CCDC152: variants seen among roughly 807,000 people sequenced by gnomAD.
The protein encoded by CCDC152 is coiled-coil domain-containing protein 152.
A neutral mutation model predicts 38.1 loss-of-function variants in CCDC152; 37 were observed. That is an observed-to-expected ratio of 0.97 (90% confidence interval 0.75 to 1.28). The LOEUF is 1.28. Ranked by LOEUF, CCDC152 falls within the 50% of genes most tolerant of loss-of-function variation. CCDC152 has a pLI of 0.00. For synonymous variants in CCDC152, 83 were observed against 87.1 expected (o/e 0.95, Z 0.26); for missense variants, 259 against 292.1 (o/e 0.89, Z 0.83).
intron 6 of CCDC152, among the ~76,000 whole-genome samples, chr5:42,795,804 G>T (rs548824586): frequency 7.2e-5 from 11 of 151,740 alleles, no homozygotes; most frequent in African/African-American, 2.7e-4. Flanking sequence ...TGTTTATTGC[G>T]GCACTATTCA....
chr5:42,762,415 A>T lies in CCDC152; in HGVS notation c.88-28A>T, dbSNP rs113750312. The T allele has an allele frequency of 1.7e-3, 1,986 of 1,171,974 alleles. 33 individuals are homozygous for T. In the African/African-American group the frequency reaches 0.026, roughly 15 times the overall value. 72.6% of individuals were successfully genotyped at this position (1,171,974 alleles called of 1,614,324 possible). ...ATTAAACTAGCAGCATTGATTTGTT[A>T]ATAATAAGTATTCTATTTCTTCTAC... On this transcript the variant is annotated intron_variant, in intron 2 of 8. Coordinates refer to ENST00000361970, the MANE Select transcript of CCDC152 (RefSeq NM_001134848.2).
intron 3 of CCDC152, among the ~76,000 whole-genome samples, chr5:42,765,345 G>C (rs1344004925): frequency 6.6e-6 from 1 of 151,982 alleles, no homozygotes; most frequent in Non-Finnish European, 1.5e-5. Context: ...CTACTCAAAG[G>C]AATCTACAGA....
At chr5:42,762,332 A>G in intron 2 of CCDC152, 111 bp from the exon 3 acceptor site, 1 of 614,544 alleles carries the variant, frequency 1.6e-6, no homozygotes, top group Non-Finnish European at 2.9e-6. Context: ...TTTTTTTATT[A>G]GACTATCAGA....
chr5:42,757,747 A>G (rs892359237), intron 1 of CCDC152, among the ~76,000 whole-genome samples: 3 of 152,208 alleles, frequency 2.0e-5, no homozygotes, highest in African/African-American at 7.2e-5. Flanking sequence ...TGGTTTTACA[A>G]GGAAATAACA....
chr5:42,796,797 CAA>C (rs1254752924), intron 6 of CCDC152, 30 bp from the exon 7 acceptor site: 3 of 1,306,298 alleles, frequency 2.3e-6, no homozygotes, highest in Non-Finnish European at 3.1e-6. Context: ...AAATTTTTAA[CAA>C]ATGAATTTTA....
chr5:42,783,406 T>C (rs1403982019), intron 5 of CCDC152, 68 bp from the exon 6 acceptor site: 3 of 581,586 alleles, frequency 5.2e-6, no homozygotes, highest in Non-Finnish European at 7.0e-6. Flanking sequence ...GAATTTCACC[T>C]TTCTAGGAAT....
chr5:42,766,029 T>G (rs1759619676), intron 3 of CCDC152, among the ~76,000 whole-genome samples: 1 of 152,086 alleles, frequency 6.6e-6, no homozygotes, highest in Non-Finnish European at 1.5e-5. Context: ...AAGGGATTAA[T>G]AACTAGAATA....
At chr5:42,769,022 G>T (rs1438804274) in intron 3 of CCDC152, among the ~76,000 whole-genome samples, 1 of 152,112 alleles carries the variant, frequency 6.6e-6, no homozygotes, top group Non-Finnish European at 1.5e-5. Flanking sequence ...CCTGAGGCAG[G>T]TGGATTACTT....
At chr5:42,776,221 G>A (rs968379392) in intron 4 of CCDC152, among the ~76,000 whole-genome samples, 4 of 151,980 alleles carry the variant, frequency 2.6e-5, no homozygotes, top group African/African-American at 4.8e-5. Flanking sequence ...AAATATAAAG[G>A]CACATATAGA....
chr5:42,775,403 G>A (rs566508447), intron 4 of CCDC152, among the ~76,000 whole-genome samples: 2 of 152,320 alleles, frequency 1.3e-5, no homozygotes, highest in South Asian at 4.1e-4. Flanking sequence ...AAACAGTAAA[G>A]GAGTAGAGTG....
chr5:42,769,604 T>A lies in CCDC152; in HGVS notation c.201T>A (p.Ala67=). 6.7e-7 allele frequency: 1 copy of A among 1,488,002 alleles called. No individual in the cohort carries two copies. The highest frequency in any genetic ancestry group is 8.9e-7 in the Non-Finnish European group (1 of 1,118,110). The allele number at this position is 1,488,002 out of a possible 1,614,324, so 92.2% of individuals were successfully genotyped here. The change falls in exon 4 of 9, where the codon GCT becomes GCA. Residue 67 remains alanine (A), a synonymous_variant. Transcript: ENST00000361970. ...AKEVSIKEEC[A]TLHNIIKGLQ... The stretch of plus-strand genomic sequence containing the variant: ...TTATCTTTTATATTTCAGAATGTGC[T>A]ACTCTTCATAATATAATAAAAGGGC...
chr5:42,781,296 A>C (rs1056135303), intron 5 of CCDC152, among the ~76,000 whole-genome samples: 42 of 152,148 alleles, frequency 2.8e-4, no homozygotes, highest in Admixed American at 5.2e-4. Context: ...AGCTGGGTTC[A>C]CCTGCCCAGT....
At position 42,800,512 on chromosome 5, in the gene CCDC152, C is replaced by T; in HGVS notation, c.*731C>T. ...ACATATTAACCAAAAGCTGCAATCA[C>T]CTTTCAGTTGCTCCATCATAAAAAA... On this transcript the variant is annotated 3_prime_UTR_variant, in exon 9 of 9. Transcript: ENST00000361970. The T allele has an allele frequency of 1.8e-6, 1 of 551,048 alleles. No homozygotes were observed. The highest frequency in any genetic ancestry group is 3.0e-6 in the Non-Finnish European group (1 of 328,776). The allele number at this position is 551,048 out of a possible 1,614,324, so 34.1% of individuals were successfully genotyped here. A position where few individuals can be genotyped will look rare whatever the true frequency, so the allele number is the denominator to read the frequency against.
In CCDC152 at chr5:42,799,898, T is replaced by C. The variant is rs148724369; in HGVS notation, c.*117T>C. 20 of 1,118,882 alleles carry C rather than the reference T, an allele frequency of 1.8e-5. No individual in the cohort carries two copies. In the South Asian group the frequency reaches 2.6e-4, roughly 15 times the overall value. The allele number at this position is 1,118,882 out of a possible 1,614,324, so 69.3% of individuals were successfully genotyped here. A position where few individuals can be genotyped will look rare whatever the true frequency, so the allele number is the denominator to read the frequency against. ...AACGAAGTCAGCTTTAAGGTTTTTA[T>C]TGAATTTATTTGGACAAATCCGTAC... On this transcript the variant is annotated 3_prime_UTR_variant, in exon 9 of 9. Transcript: ENST00000361970.
At position 42,799,856 on chromosome 5, in the gene CCDC152, A is replaced by G. The variant is rs1298360691; in HGVS notation, c.*75A>G. 1 of 1,446,394 alleles carries G rather than the reference A, an allele frequency of 6.9e-7. No homozygotes were observed. Among genetic ancestry groups the G allele is most frequent in the Non-Finnish European group, 9.4e-7 (1 of 1,063,288 alleles). 89.6% of individuals were successfully genotyped at this position (1,446,394 alleles called of 1,614,324 possible). The stretch of plus-strand genomic sequence containing the variant: ...TTTCACTTCTGTTTTCAATATATGC[A>G]TACAGCCTACATAACAAACGAAGTC... On this transcript the variant is annotated 3_prime_UTR_variant, in exon 9 of 9. Transcript: ENST00000361970.
At chr5:42,764,951 G>T (rs966406016) in intron 3 of CCDC152, among the ~76,000 whole-genome samples, 3 of 152,116 alleles carry the variant, frequency 2.0e-5, no homozygotes, top group Admixed American at 2.0e-4. Context: ...AAGATATAAA[G>T]GGCATCCAAA....
chr5:42,796,905 A>G lies in CCDC152; in HGVS notation c.507A>G (p.Leu169=). Residue 169 remains leucine, a synonymous_variant, in exon 7 of 9, where the codon CTA becomes CTG. Transcript: ENST00000361970. Reference sequence around the variant, plus strand: ...AAATTTCAGAGTTAAATGCAAAGCTAAGAAGTCAAGAAAAAGAAAAACAAA... The same window carrying G: ...AAATTTCAGAGTTAAATGCAAAGCTGAGAAGTCAAGAAAAAGAAAAACAAA... ...EMEISELNAK[L]RSQEKEKQNE... The G allele has an allele frequency of 6.5e-7, 1 of 1,531,428 alleles. No homozygotes were observed. The highest frequency in any genetic ancestry group is 1.7e-4 in the Middle Eastern group (1 of 5,936). 94.9% of individuals were successfully genotyped at this position (1,531,428 alleles called of 1,614,324 possible).
rs536379491 is a variant in CCDC152 at position 42,783,733 on chromosome 5, C to T, written c.430+157C>T. ...ACTCGTGGTAGATCATTTTTCAACCCTCACCCCTCCCACCCTCCCTTCTTT... is the reference window on the plus strand; with the variant it reads ...ACTCGTGGTAGATCATTTTTCAACCTTCACCCCTCCCACCCTCCCTTCTTT... On this transcript the variant is annotated intron_variant, in intron 6 of 8. Transcript: ENST00000361970. Among the ~76,000 whole-genome samples, 353 of 151,938 alleles carry T rather than the reference C, an allele frequency of 2.3e-3. 3 individuals are homozygous for T. The highest frequency in any genetic ancestry group is 8.1e-3 in the African/African-American group (335 of 41,402).
chr5:42,788,259 A>G lies in CCDC152; in HGVS notation c.430+4683A>G, dbSNP rs576274265. ...TTAAGAAAGCTAAAAAGAGGACCTC[A>G]GTTTCTTCTGGCTTGTAAGGCTTCT... On this transcript the variant is annotated intron_variant, in intron 6 of 8. Transcript: ENST00000361970. Among the ~76,000 whole-genome samples, 45 of 151,434 alleles carry G rather than the reference A, an allele frequency of 3.0e-4. 1 individual carries two copies. Among genetic ancestry groups the G allele is most frequent in the Non-Finnish European group, 5.9e-4 (40 of 67,890 alleles).
Sources: allele counts gnomAD v4.1 joint callset (sites outside exome capture counted in the v4.1 genomes callset), GRCh38; gene constraint gnomAD v4.1.1; transcripts MANE v1.5; gene names NCBI Gene and HGNC (gene_info 2026-07-23, HGNC 2026-07-21).